IL21R: variants seen among roughly 807,000 people sequenced by gnomAD.
IL21R encodes interleukin 21 receptor.
In IL21R, 14 loss-of-function variants were observed where a neutral mutation model predicts 41.3. That is an observed-to-expected ratio of 0.34 (90% CI 0.22 to 0.53). The LOEUF is 0.53. IL21R is among the 20% of genes least tolerant of loss of function. The probability of loss-of-function intolerance (pLI) is 0.94; values close to 1 mark genes in which losing one functional copy is unlikely to be tolerated. For missense variants in IL21R, 588 were observed against 681.6 expected (o/e 0.86, Z 1.53); for synonymous variants, 286 against 287.6 (o/e 0.99, Z 0.05).
At chr16:27,419,731 ATTT>A (rs922758888) in intron 1 of IL21R, among the ~76,000 whole-genome samples, 4 of 149,750 alleles carry the variant, frequency 2.7e-5, no homozygotes, top group African/African-American at 9.8e-5. Flanking sequence ...CCCCTCCAAC[ATTT>A]TTTTTTAAGT....
At chr16:27,408,597 C>G (rs1346873414) in intron 1 of IL21R, among the ~76,000 whole-genome samples, 2 of 152,166 alleles carry the variant, frequency 1.3e-5, no homozygotes, top group South Asian at 2.1e-4. Context: ...CTTGAAGACC[C>G]TGGATAACTT....
At chr16:27,439,353 CACAT>C (rs952661124) in intron 4 of IL21R, among the ~76,000 whole-genome samples, 4 of 150,820 alleles carry the variant, frequency 2.7e-5, no homozygotes, top group East Asian at 2.0e-4. Flanking sequence ...TACACACTCA[CACAT>C]ACATACACAC....
intron 4 of IL21R, among the ~76,000 whole-genome samples, chr16:27,439,020 G>A (rs1189843241): frequency 1.3e-5 from 2 of 152,110 alleles, no homozygotes; most frequent in African/African-American, 4.8e-5. Flanking sequence ...CCCTCAGGAA[G>A]GCCCCGCCCA....
chr16:27,446,157 A>C (rs943475179), intron 8 of IL21R, 69 bp downstream of exon 8: 2 of 1,302,106 alleles, frequency 1.5e-6, no homozygotes, highest in Non-Finnish European at 1.1e-6. Flanking sequence ...ACCTCCCCTC[A>C]CCCCAGGCTC....
chr16:27,403,160 C>T (rs1324769619), intron 1 of IL21R: 3 of 1,257,242 alleles, frequency 2.4e-6, no homozygotes, highest in Non-Finnish European at 3.2e-6. Flanking sequence ...GCAGTCAAGC[C>T]AGGTGACCCC....
intron 1 of IL21R, among the ~76,000 whole-genome samples, chr16:27,412,312 G>A (rs554131453): frequency 3.9e-5 from 6 of 152,114 alleles, no homozygotes; most frequent in African/African-American, 1.2e-4. Flanking sequence ...CTGTATGCCA[G>A]TACCATACTA....
In IL21R at chr16:27,440,277, A is replaced by C. The variant is rs536991946; in HGVS notation, c.352+2590A>C. Among the ~76,000 whole-genome samples the C allele has an allele frequency of 8.6e-4, 117 of 136,656 alleles. 2 individuals are homozygous for C. Among genetic ancestry groups the C allele is most frequent in the South Asian group, 2.0e-3 (9 of 4,478 alleles). 89.7% of individuals were successfully genotyped at this position (136,656 alleles called of 152,430 possible). On this transcript the variant is annotated intron_variant, in intron 4 of 8. Transcript: ENST00000337929. Reference sequence around the variant, plus strand: ...GAGAGAGAGAGAGAGAGAGAGAGAGAGAGCGAGCAAGCGCGCGCCAGGGTG... The same window carrying C: ...GAGAGAGAGAGAGAGAGAGAGAGAGCGAGCGAGCAAGCGCGCGCCAGGGTG...
At chr16:27,428,260 G>T (rs1281319839) in intron 1 of IL21R, among the ~76,000 whole-genome samples, 1 of 152,224 alleles carries the variant, frequency 6.6e-6, no homozygotes, top group Non-Finnish European at 1.5e-5. Flanking sequence ...CAAGGGACTG[G>T]CCCGGAGCCA....
In IL21R at chr16:27,439,931, T is replaced by C. The variant is rs199994067; in HGVS notation, c.352+2244T>C. Among the ~76,000 whole-genome samples, 7 of 152,170 alleles carry C rather than the reference T, an allele frequency of 4.6e-5. No homozygotes were observed. In the East Asian group the frequency reaches 1.4e-3, roughly 29 times the overall value. The stretch of plus-strand genomic sequence containing the variant: ...CGAGTACCCACGGGGCAGTTCTCAG[T>C]ACCCTGGTGTCTTCTGGGACTCATC... On this transcript the variant is annotated intron_variant, in intron 4 of 8. Coordinates refer to ENST00000337929, the MANE Select transcript of IL21R (RefSeq NM_181078.3).
intron 1 of IL21R, among the ~76,000 whole-genome samples, chr16:27,407,019 A>G (rs1436466924): frequency 6.6e-6 from 1 of 152,122 alleles, no homozygotes; most frequent in Non-Finnish European, 1.5e-5. Context: ...GATTATTCAC[A>G]CTCTGGAAGC....
intron 4 of IL21R, among the ~76,000 whole-genome samples, chr16:27,438,122 G>A (rs1299586996): frequency 1.3e-5 from 2 of 152,112 alleles, no homozygotes; most frequent in African/African-American, 2.4e-5. Context: ...GCTGGGACCC[G>A]GGACTTCTGG....
rs1196250104 is a variant in IL21R at position 27,443,004 on chromosome 16, G to A, written c.395G>A (p.Gly132Glu). 2 of 1,613,708 alleles carry A rather than the reference G, an allele frequency of 1.2e-6. No homozygotes were observed. The highest frequency in any genetic ancestry group is 2.2e-5 in the South Asian group (2 of 91,014). Residue 132 changes from glycine to glutamate, a missense_variant, in exon 5 of 9, where the codon GGA becomes GAA. Physicochemically the swap from Gly to Glu is moderately conservative, Grantham distance 98 (BLOSUM62 -2). Coordinates refer to ENST00000337929, the MANE Select transcript of IL21R (RefSeq NM_181078.3). The stretch of plus-strand genomic sequence containing the variant: ...TTCAACGTGACTGTGACCTTCTCAG[G>A]ACAGTATAATATCTCCTGGCGCTCA... ...PPFNVTVTFS[G>E]QYNISWRSDY... is the part of the protein sequence containing the mutation.
chr16:27,448,503 T>C, intron 8 of IL21R, 31 bp from the exon 9 acceptor site: 1 of 1,565,008 alleles, frequency 6.4e-7, no homozygotes, highest in African/African-American at 1.4e-5. Context: ...CCTCATCCTG[T>C]GCTATGACTC....
intron 1 of IL21R, among the ~76,000 whole-genome samples, chr16:27,409,922 G>C (rs1480506459): frequency 6.6e-6 from 1 of 151,982 alleles, no homozygotes; most frequent in South Asian, 2.1e-4. Context: ...ACTTCAATTT[G>C]GGGGGGACTA....
chr16:27,432,561 G>A (rs1045081008), intron 2 of IL21R, among the ~76,000 whole-genome samples: 10 of 152,180 alleles, frequency 6.6e-5, no homozygotes, highest in African/African-American at 2.4e-4. Context: ...TTTGAGCCTG[G>A]CTAGGAATGG....
chr16:27,446,303 C>T (rs1446173295), intron 8 of IL21R, among the ~76,000 whole-genome samples: 7 of 152,184 alleles, frequency 4.6e-5, no homozygotes, highest in African/African-American at 7.2e-5. Flanking sequence ...CAAGATTTGA[C>T]CAGGTGTGGT....
At chr16:27,415,865 A>G (rs1489261689) in intron 1 of IL21R, among the ~76,000 whole-genome samples, 1 of 152,236 alleles carries the variant, frequency 6.6e-6, no homozygotes, top group Non-Finnish European at 1.5e-5. Context: ...TGTGCCTGGT[A>G]TCATCACTTA....
intron 1 of IL21R, among the ~76,000 whole-genome samples, chr16:27,427,001 G>A (rs1043126087): frequency 1.3e-5 from 2 of 152,122 alleles, no homozygotes; most frequent in African/African-American, 4.8e-5. Context: ...TTCTCAGTAT[G>A]GCTGTCATTT....
chr16:27,417,940 C>G (rs1206211390), intron 1 of IL21R, among the ~76,000 whole-genome samples: 3 of 151,882 alleles, frequency 2.0e-5, no homozygotes, highest in Non-Finnish European at 4.4e-5. Context: ...AACTCTTAGG[C>G]TACTCTAAAT....
Sources: allele counts gnomAD v4.1 joint callset (sites outside exome capture counted in the v4.1 genomes callset), GRCh38; gene constraint gnomAD v4.1.1; transcripts MANE v1.5; gene names NCBI Gene and HGNC (gene_info 2026-07-23, HGNC 2026-07-21).